Variants in IL1RL1 observed in about 807,000 individuals in gnomAD.
The protein encoded by IL1RL1 is interleukin 1 receptor like 1, also known as interleukin-1 receptor-like 1.
In IL1RL1, 32 loss-of-function variants were observed where a neutral mutation model predicts 50.9. The observed-to-expected ratio is 0.63, with a 90% confidence interval of 0.47 to 0.84. IL1RL1 has a LOEUF of 0.84. Among genes scored for constraint, IL1RL1 ranks in the 40% least tolerant of loss-of-function variants. The pLI, the probability that IL1RL1 is intolerant of heterozygous loss-of-function variation, is 0.00. For synonymous variants in IL1RL1, 275 were observed against 236.0 expected, an observed-to-expected ratio of 1.17 and a Z score of -1.51; for missense variants, 773 against 662.9, an observed-to-expected ratio of 1.17 and a Z score of -1.82.
chr2:102,339,112 G>T, intron 3 of IL1RL1, 65 bp downstream of exon 3: 2 of 1,147,498 alleles, frequency 1.7e-6, no homozygotes, highest in Non-Finnish European at 2.6e-6. Flanking sequence ...TTGATTGCCT[G>T]AGCTGCCCTT....
intron 1 of IL1RL1, chr2:102,313,136 T>G (rs1007892179): frequency 1.3e-5 from 2 of 152,182 alleles, no homozygotes; most frequent in African/African-American, 2.4e-5. Context: ...AAGCAACTCA[T>G]CTATGTCTTT....
chr2:102,349,339 C>A (rs1677870750), intron 10 of IL1RL1, 93 bp downstream of exon 10: 1 of 949,984 alleles, frequency 1.1e-6, no homozygotes, highest in Non-Finnish European at 1.7e-6. Flanking sequence ...TAATGAATTG[C>A]ATTTACTACC....
chr2:102,313,846 C>A (rs112129822), intron 1 of IL1RL1, among the ~76,000 whole-genome samples: 1 of 152,252 alleles, frequency 6.6e-6, no homozygotes, highest in South Asian at 2.1e-4. Flanking sequence ...TGTGTGCGTG[C>A]ACTTGCATGC....
At chr2:102,325,075 G>A (rs1053724785) in intron 1 of IL1RL1, among the ~76,000 whole-genome samples, 10 of 152,168 alleles carry the variant, frequency 6.6e-5, no homozygotes, top group Non-Finnish European at 7.3e-5. Context: ...CCTGACCCCC[G>A]AGTAGCCTAA....
intron 8 of IL1RL1, chr2:102,346,195 T>C (rs1677776468): frequency 4.2e-6 from 1 of 235,948 alleles, no homozygotes; most frequent in Non-Finnish European, 6.9e-6. Flanking sequence ...GTCTCCATTT[T>C]ATTAACTATT....
At chr2:102,317,753 A>G (rs149678502) in intron 1 of IL1RL1, among the ~76,000 whole-genome samples, 48 of 152,272 alleles carry the variant, frequency 3.2e-4, no homozygotes, top group African/African-American at 1.1e-3. Flanking sequence ...TGCAAGTTAT[A>G]AATGCCATGG....
At chr2:102,324,713 C>G (rs570583912) in intron 1 of IL1RL1, among the ~76,000 whole-genome samples, 1 of 152,244 alleles carries the variant, frequency 6.6e-6, no homozygotes, top group Non-Finnish European at 1.5e-5. Context: ...TATCCTGCAC[C>G]TGGCTTGGAG....
intron 1 of IL1RL1, among the ~76,000 whole-genome samples, chr2:102,326,669 A>C (rs765704221): frequency 1.8e-5 from 2 of 114,082 alleles, no homozygotes; most frequent in Admixed American, 1.6e-4. Context: ...TCTACCAAGC[A>C]AATGGAAAAC....
intron 9 of IL1RL1, among the ~76,000 whole-genome samples, chr2:102,348,575 T>C (rs903743846): frequency 6.6e-6 from 1 of 152,228 alleles, no homozygotes; most frequent in African/African-American, 2.4e-5. Flanking sequence ...GCCTGCTAGA[T>C]GCAAACTTCA....
chr2:102,316,541 C>A (rs1676679072), intron 1 of IL1RL1, among the ~76,000 whole-genome samples: 1 of 152,122 alleles, frequency 6.6e-6, no homozygotes, highest in Admixed American at 6.5e-5. Context: ...AGCATTTCAT[C>A]TTGCAGCAGC....
At position 102,351,897 on chromosome 2, in the gene IL1RL1, T is replaced by A; in HGVS notation, c.1647T>A (p.Thr549=). Residue 549 remains threonine, a synonymous_variant, in exon 11 of 11, where the codon ACT becomes ACA. Transcript: ENST00000233954. The part of the protein sequence containing the change: ...SKIPRKASSL[T]PLAAQKQ Reference sequence around the variant, plus strand: ...TTCCCAGAAAGGCCTCTAGTTTGACTCCCTTGGCTGCCCAGAAGCAATAGT... The same window carrying A: ...TTCCCAGAAAGGCCTCTAGTTTGACACCCTTGGCTGCCCAGAAGCAATAGT... 1 of 1,611,814 alleles carries A rather than the reference T, an allele frequency of 6.2e-7. No individual in the cohort carries two copies. The highest frequency in any genetic ancestry group is 8.5e-7 in the Non-Finnish European group (1 of 1,179,010).
intron 10 of IL1RL1, among the ~76,000 whole-genome samples, chr2:102,350,282 C>A (rs138938063): frequency 2.8e-4 from 43 of 152,328 alleles, no homozygotes; most frequent in African/African-American, 1.0e-3. Flanking sequence ...CAACAATGTG[C>A]CACATCTGGC....
intron 5 of IL1RL1, chr2:102,341,422 AG>A: frequency 1.2e-6 from 1 of 859,016 alleles, no homozygotes; most frequent in Non-Finnish European, 1.5e-6. Context: ...AGCTTATTTA[AG>A]GGAAAGATTT....
At chr2:102,346,007 C>A (rs1161471970) in intron 8 of IL1RL1, 2 of 984,370 alleles carry the variant, frequency 2.0e-6, no homozygotes, top group East Asian at 2.3e-4. Context: ...CTCCTTCTAG[C>A]TTATTTGTAT....
At chr2:102,327,905 C>T (rs1007519210) in intron 1 of IL1RL1, among the ~76,000 whole-genome samples, 7 of 152,202 alleles carry the variant, frequency 4.6e-5, no homozygotes, top group Non-Finnish European at 8.8e-5. Context: ...GATGGATTCA[C>T]AGCCGAATTC....
chr2:102,335,269 CAAAG>C (rs1677284551), intron 1 of IL1RL1, among the ~76,000 whole-genome samples: 1 of 152,018 alleles, frequency 6.6e-6, no homozygotes, highest in Admixed American at 6.6e-5. Context: ...TAGTTCTTTT[CAAAG>C]AAGAAATTAT....
In IL1RL1 at chr2:102,328,797, C is replaced by A. The variant is rs552414119; in HGVS notation, c.-149-9319C>A. On this transcript the variant is annotated intron_variant, in intron 1 of 10. Transcript: ENST00000233954. Reference sequence around the variant, plus strand: ...AACTTACAAGGGATGTGAAGGACCTCTTCAAGGAGAACTGCAAACCACTGC... The same window carrying A: ...AACTTACAAGGGATGTGAAGGACCTATTCAAGGAGAACTGCAAACCACTGC... 2.0e-5 allele frequency among the ~76,000 whole-genome samples: 3 copies of A among 152,286 alleles called. No individual in the cohort carries two copies. The South Asian group carries it at 6.2e-4, about 32-fold the overall frequency.
At position 102,338,944 on chromosome 2, in the gene IL1RL1, A is replaced by G; in HGVS notation, c.169A>G (p.Ile57Val). The part of the protein sequence containing the change: ...DWYYSQTNKS[I>V]PTQERNRVFA... The stretch of plus-strand genomic sequence containing the variant: ...GTATTACTCACAAACAAACAAAAGT[A>G]TTCCCACTCAGGAAAGAAATCGTGT... The change falls in exon 3 of 11, where the codon ATT (isoleucine) becomes GTT (valine). Residue 57 changes from isoleucine to valine, a missense_variant. Ile to Val is a conservative substitution (Grantham distance 29). Coordinates refer to ENST00000233954, the MANE Select transcript of IL1RL1 (RefSeq NM_016232.5). The G allele has an allele frequency of 6.2e-7, 1 of 1,613,972 alleles. No homozygotes were observed. Among genetic ancestry groups the G allele is most frequent in the Non-Finnish European group, 8.5e-7 (1 of 1,179,870 alleles).
In IL1RL1 at chr2:102,351,630, C is replaced by A. The variant is rs112596146; in HGVS notation, c.1380C>A (p.Tyr460Ter). The A allele has an allele frequency of 2.5e-6, 4 of 1,613,974 alleles. No individual in the cohort carries two copies. The highest frequency in any genetic ancestry group is 1.1e-5 in the South Asian group (1 of 91,082). ...TCACTCACAATAAGGAGTTTGCCTACGAGCAGGAGGTTGCCCTGCACTGTG... is the reference window on the plus strand; with the variant it reads ...TCACTCACAATAAGGAGTTTGCCTAAGAGCAGGAGGTTGCCCTGCACTGTG... The part of the protein sequence containing the change: ...PQITHNKEFA[Y>*]EQEVALHCAL... Residue 460 changes from tyrosine (Y) to a stop codon, truncating the protein, a stop_gained, in exon 11 of 11, where the codon TAC (tyrosine) becomes TAA (stop). Coordinates refer to ENST00000233954, the MANE Select transcript of IL1RL1 (RefSeq NM_016232.5). LOFTEE classifies it low-confidence loss of function (END_TRUNC).
Sources: gnomAD v4.1 joint callset for allele counts (sites outside exome capture counted in the v4.1 genomes callset) on GRCh38, gnomAD v4.1.1 for gene constraint, MANE v1.5 for transcripts, NCBI Gene and HGNC (gene_info 2026-07-23, HGNC 2026-07-21) for gene names.